The following H2BC18 variants were observed in gnomAD, a reference collection of about 807,000 sequenced individuals.
The protein encoded by H2BC18 is H2B clustered histone 18.
H2BC18 carries 8 observed loss-of-function variants against 6.3 expected under a neutral mutation model. That is an observed-to-expected ratio of 1.28 (90% CI 0.75 to 2.31). The LOEUF (loss-of-function observed/expected upper bound fraction) is 2.31, where lower values mean the gene tolerates loss of function less well. Ranked by LOEUF, H2BC18 falls within the 30% of genes most tolerant of loss-of-function variation. The pLI is 0.00. For synonymous variants in H2BC18, 104 were observed against 78.1 expected (o/e 1.33, Z -1.75); for missense variants, 106 against 174.5 (o/e 0.61, Z 2.21).
intron 1 of H2BC18, among the ~76,000 whole-genome samples, chr1:149,801,258 T>C (rs1195985506): frequency 6.6e-6 from 1 of 151,436 alleles, no homozygotes; most frequent in East Asian, 2.0e-4. Flanking sequence ...GAAGTCCTCC[T>C]TGGCACTCTT....
At chr1:149,808,879 A>G (rs149491200), downstream of H2BC18, among the ~76,000 whole-genome samples, 1,721 of 152,002 alleles carry the variant, frequency 0.011, 46 homozygotes, top group African/African-American at 0.04. Flanking sequence ...TTTATCCCAC[A>G]GAGGTCATGT....
intron 1 of H2BC18, among the ~76,000 whole-genome samples, chr1:149,794,282 G>A (rs587759671): frequency 5.9e-4 from 90 of 151,750 alleles, no homozygotes; most frequent in African/African-American, 2.1e-3. Context: ...GGGGGAACAC[G>A]TAGATTTTGG....
chr1:149,794,150 A>C (rs1457384773), intron 1 of H2BC18: 3 of 366,610 alleles, frequency 8.2e-6, no homozygotes, highest in Non-Finnish European at 1.6e-5. Context: ...AGGCAGCGGC[A>C]GCCTGGACTA....
intron 1 of H2BC18, among the ~76,000 whole-genome samples, chr1:149,806,620 G>A (rs1423109207): frequency 6.6e-6 from 1 of 151,956 alleles, no homozygotes; most frequent in East Asian, 1.9e-4. Context: ...TATGAGATAA[G>A]GAATACCAAG....
At chr1:149,796,936 A>C (rs2091806651) in intron 1 of H2BC18, among the ~76,000 whole-genome samples, 1 of 152,166 alleles carries the variant, frequency 6.6e-6, no homozygotes, top group Non-Finnish European at 1.5e-5. Flanking sequence ...TTTTTGAGAC[A>C]GAGTTTCGTT....
At chr1:149,791,507 G>T (rs782489862) in intron 1 of H2BC18, 1 of 1,610,092 alleles carries the variant, frequency 6.2e-7, no homozygotes, top group Non-Finnish European at 8.5e-7. Flanking sequence ...GAGCCCCAGG[G>T]GGCCACGTAG....
At chr1:149,791,608 A>G in intron 1 of H2BC18, 5 of 1,539,510 alleles carry the variant, frequency 3.2e-6, no homozygotes, top group African/African-American at 1.4e-5. Context: ...AAGTTCAACA[A>G]CACCAGAACT....
At chr1:149,786,600 G>T (rs1202750968) in intron 1 of H2BC18, 9 of 152,076 alleles carry the variant, frequency 5.9e-5, no homozygotes, top group African/African-American at 2.2e-4. Flanking sequence ...CAGCTGGTTG[G>T]TGGACCCGAG....
intron 1 of H2BC18, chr1:149,793,041 G>C: frequency 7.9e-7 from 1 of 1,262,540 alleles, no homozygotes; most frequent in Non-Finnish European, 1.0e-6. Flanking sequence ...CCAGCTCCCG[G>C]GCCCCGGCGC....
intron 1 of H2BC18, among the ~76,000 whole-genome samples, chr1:149,802,354 T>C (rs1553753460): frequency 6.6e-6 from 1 of 152,098 alleles, no homozygotes; most frequent in East Asian, 1.9e-4. Flanking sequence ...TATATACAAG[T>C]TAATCAGCAT....
chr1:149,790,274 C>T (rs1411278402), intron 1 of H2BC18: 35 of 1,591,472 alleles, frequency 2.2e-5, no homozygotes, highest in Admixed American at 1.2e-4. Flanking sequence ...TATACTGGTG[C>T]GAGGCTGCCA....
intron 1 of H2BC18, chr1:149,788,168 T>C: frequency 1.1e-6 from 1 of 873,664 alleles, no homozygotes; most frequent in Non-Finnish European, 1.7e-6. Flanking sequence ...AAGGGCTGTG[T>C]ACGCAGTTGC....
At chr1:149,789,415 AATAATG>A (rs1330462572) in intron 1 of H2BC18, among the ~76,000 whole-genome samples, 4 of 150,130 alleles carry the variant, frequency 2.7e-5, no homozygotes, top group African/African-American at 1.0e-4. Flanking sequence ...TAATAATAAT[AATAATG>A]ATGATAATAA....
intron 1 of H2BC18, chr1:149,793,277 A>G (rs1240022055): frequency 8.2e-7 from 1 of 1,212,336 alleles, no homozygotes; most frequent in African/African-American, 1.7e-5. Context: ...GGAGTGGGAG[A>G]GGCCGCCCGC....
chr1:149,807,775 G>A (rs2091934855), downstream of H2BC18, among the ~76,000 whole-genome samples: 1 of 152,068 alleles, frequency 6.6e-6, no homozygotes, highest in Non-Finnish European at 1.5e-5. Context: ...CTGCACTCCA[G>A]CCTAGGTGAC....
At chr1:149,793,099 C>T in intron 1 of H2BC18, 6 of 1,274,040 alleles carry the variant, frequency 4.7e-6, no homozygotes, top group Non-Finnish European at 6.1e-6. Flanking sequence ...CCGCCAAGCC[C>T]CGGGGATGCT....
rs370725722 is a variant in H2BC18, at chr1:149,784,308, C to T, written c.378-1048G>A. On this transcript the variant is annotated intron_variant, in intron 1 of 1. Transcript: ENST00000545683. ...CCGGAAACCACAAGGTCTTCCTCTG[C>T]GTTCTCTCCTTTCTGGATGCCAGAT... 8.3e-5 allele frequency: 133 copies of T among 1,610,024 alleles called. 2 individuals are homozygous for T. The highest frequency in any genetic ancestry group is 1.4e-4 in the African/African-American group (10 of 73,088).
chr1:149,792,723 G>C, intron 1 of H2BC18: 2 of 1,283,820 alleles, frequency 1.6e-6, no homozygotes, highest in Non-Finnish European at 2.0e-6. Context: ...GCGCTTCTCC[G>C]CAGCTCCGCG....
chr1:149,809,527 T>C (rs1222535971), downstream of H2BC18, among the ~76,000 whole-genome samples: 1 of 148,412 alleles, frequency 6.7e-6, no homozygotes, highest in African/African-American at 2.5e-5. Flanking sequence ...AATTTTCTAG[T>C]GTTCTGTTGA....
Sources: gnomAD v4.1 joint callset for allele counts (sites outside exome capture counted in the v4.1 genomes callset) on GRCh38, gnomAD v4.1.1 for gene constraint, MANE v1.5 for transcripts, NCBI Gene and HGNC (gene_info 2026-07-23, HGNC 2026-07-21) for gene names.